The following CTNND2 variants were observed in gnomAD, a reference collection of about 807,000 sequenced individuals.
The protein encoded by CTNND2 is catenin delta-2.
Under a neutral mutation model 144.4 loss-of-function variants are expected in CTNND2, and 22 were observed. The observed-to-expected ratio is 0.15, with a 90% CI of 0.11 to 0.22. The LOEUF (loss-of-function observed/expected upper bound fraction) is 0.22. Ranked by LOEUF, CTNND2 falls within the 10% of genes least tolerant of loss-of-function variation. The pLI is 1.00. For synonymous variants in CTNND2, 751 were observed against 695.6 expected, an observed-to-expected ratio of 1.08 and a Z score of -1.25; for missense variants, 1,353 against 1,618.8, an observed-to-expected ratio of 0.84 and a Z score of 2.82.
At chr5:11,260,846 T>C (rs905973800) in intron 9 of CTNND2, among the ~76,000 whole-genome samples, 5 of 152,068 alleles carry the variant, frequency 3.3e-5, no homozygotes, top group African/African-American at 7.2e-5. Flanking sequence ...GGGGGTAACA[T>C]AAAATTTACT....
chr5:11,428,419 C>G (rs554634561), intron 3 of CTNND2, among the ~76,000 whole-genome samples: 1 of 152,156 alleles, frequency 6.6e-6, no homozygotes, highest in African/African-American at 2.4e-5. Context: ...ACTTGAGGAC[C>G]CTGTCTCAGC....
intron 9 of CTNND2, among the ~76,000 whole-genome samples, chr5:11,283,518 A>T (rs1338080358): frequency 6.6e-6 from 1 of 151,844 alleles, no homozygotes; most frequent in African/African-American, 2.4e-5. Context: ...TACTAAAAAT[A>T]CAAAAATTAG....
intron 2 of CTNND2, among the ~76,000 whole-genome samples, chr5:11,667,216 G>A (rs569058158): frequency 1.8e-4 from 28 of 152,144 alleles, no homozygotes; most frequent in East Asian, 3.9e-4. Flanking sequence ...GAACAGTGCC[G>A]CAATAAACAT....
At chr5:11,599,198 G>A (rs1109299) in intron 2 of CTNND2, among the ~76,000 whole-genome samples, 41,753 of 151,912 alleles carry the variant, frequency 0.27, 7,597 homozygotes, top group Middle Eastern at 0.48. Context: ...AGATATGAGT[G>A]GGGACACAGA....
chr5:11,200,088 T>C (rs1375758904), intron 10 of CTNND2, among the ~76,000 whole-genome samples: 2 of 152,312 alleles, frequency 1.3e-5, no homozygotes, highest in Non-Finnish European at 1.5e-5. Flanking sequence ...TTATGCTTAA[T>C]AGGGATATGC....
intron 21 of CTNND2, among the ~76,000 whole-genome samples, chr5:10,977,403 G>A (rs1736630646): frequency 6.6e-6 from 1 of 152,114 alleles, no homozygotes; most frequent in South Asian, 2.1e-4. Flanking sequence ...TTGTAATTAT[G>A]GGGTGGACTG....
At chr5:11,228,786 C>T (rs1404192347) in intron 10 of CTNND2, among the ~76,000 whole-genome samples, 1 of 152,112 alleles carries the variant, frequency 6.6e-6, no homozygotes, top group African/African-American at 2.4e-5. Flanking sequence ...GGCCAGATTC[C>T]TTAAAGACAG....
Position 11,852,908 on chromosome 5 carries a change from T to C in CTNND2, c.37+50909A>G, listed in dbSNP as rs376173981. ...TTTACCAGCTGAAAGGTCCAAGTAATCACTCTTTCTCTCTCCTTTGACTGT... is the reference window on the plus strand; with the variant it reads ...TTTACCAGCTGAAAGGTCCAAGTAACCACTCTTTCTCTCTCCTTTGACTGT... On this transcript the variant is annotated intron_variant, in intron 1 of 21. Coordinates refer to ENST00000304623, the MANE Select transcript of CTNND2 (RefSeq NM_001332.4). Among the ~76,000 whole-genome samples, 96 of 152,280 alleles carry C rather than the reference T, an allele frequency of 6.3e-4. No individual in the cohort carries two copies. The South Asian group carries it at 8.5e-3, about 13-fold the overall frequency.
At chr5:11,823,531 A>T (rs1793434878) in intron 1 of CTNND2, among the ~76,000 whole-genome samples, 1 of 152,190 alleles carries the variant, frequency 6.6e-6, no homozygotes, top group Admixed American at 6.5e-5. Flanking sequence ...TAAAAACGTA[A>T]ATATCAGTCA....
intron 2 of CTNND2, among the ~76,000 whole-genome samples, chr5:11,689,998 G>A (rs1784821180): frequency 6.6e-6 from 1 of 152,186 alleles, no homozygotes; most frequent in Non-Finnish European, 1.5e-5. Flanking sequence ...CAGAGCAATA[G>A]TCAAACATCA....
intron 12 of CTNND2, among the ~76,000 whole-genome samples, chr5:11,128,681 T>C (rs1424072335): frequency 6.0e-5 from 8 of 132,770 alleles, no homozygotes; most frequent in Non-Finnish European, 1.1e-4. Context: ...GTTTTCTAGA[T>C]AATCAAACAA....
intron 9 of CTNND2, among the ~76,000 whole-genome samples, chr5:11,272,754 G>A (rs1482945752): frequency 6.6e-6 from 1 of 152,110 alleles, no homozygotes; most frequent in Non-Finnish European, 1.5e-5. Context: ...GGGGCAAAGG[G>A]CGACTTTACT....
intron 3 of CTNND2, among the ~76,000 whole-genome samples, chr5:11,416,080 G>T (rs752416592): frequency 6.6e-6 from 1 of 152,150 alleles, no homozygotes; most frequent in African/African-American, 2.4e-5. Context: ...AATTCCTAAG[G>T]CATTTCTTGC....
intron 1 of CTNND2, among the ~76,000 whole-genome samples, chr5:11,846,516 C>T (rs1347500503): frequency 1.3e-5 from 2 of 152,076 alleles, no homozygotes; most frequent in Admixed American, 1.3e-4. Flanking sequence ...TGGATCAATG[C>T]TTCATGAATT....
chr5:11,728,473 A>G (rs1017607282), intron 2 of CTNND2, among the ~76,000 whole-genome samples: 3 of 152,284 alleles, frequency 2.0e-5, no homozygotes, highest in South Asian at 4.1e-4. Context: ...GCGACACTCC[A>G]TCTCAAAAAC....
intron 7 of CTNND2, among the ~76,000 whole-genome samples, chr5:11,383,944 A>G (rs1758783841): frequency 6.6e-6 from 1 of 152,122 alleles, no homozygotes; most frequent in Admixed American, 6.5e-5. Flanking sequence ...CACCTCCTCT[A>G]AACTGGGAGA....
chr5:11,130,669 C>A (rs908641937), intron 12 of CTNND2, among the ~76,000 whole-genome samples: 1 of 152,158 alleles, frequency 6.6e-6, no homozygotes, highest in Non-Finnish European at 1.5e-5. Context: ...CAAACACTCA[C>A]GTGCCGCTCA....
chr5:11,420,341 CA>C (rs1216369171), intron 3 of CTNND2, among the ~76,000 whole-genome samples: 1 of 152,004 alleles, frequency 6.6e-6, no homozygotes, highest in African/African-American at 2.4e-5. Flanking sequence ...AAAACAAAAA[CA>C]AAAAACCTGA....
chr5:11,378,431 C>G (rs1204753103), intron 7 of CTNND2, among the ~76,000 whole-genome samples: 4 of 152,152 alleles, frequency 2.6e-5, no homozygotes, highest in African/African-American at 9.7e-5. Flanking sequence ...AGCAAGTCAG[C>G]CTTAACCACC....
Sources: gnomAD v4.1 joint callset for allele counts (sites outside exome capture counted in the v4.1 genomes callset) on GRCh38, gnomAD v4.1.1 for gene constraint, MANE v1.5 for transcripts, NCBI Gene and HGNC (gene_info 2026-07-23, HGNC 2026-07-21) for gene names.